RNF220: variants seen among roughly 807,000 people sequenced by gnomAD.
The protein encoded by RNF220 is ring finger protein 220, also known as E3 ubiquitin-protein ligase RNF220.
A neutral mutation model predicts 67.1 loss-of-function variants in RNF220; 7 were observed. That is an observed-to-expected ratio of 0.10 (90% CI 0.06 to 0.20). The LOEUF is 0.20. Among genes scored for constraint, RNF220 ranks in the 10% least tolerant of loss-of-function variants. The pLI is 1.00. For missense variants in RNF220, 565 were observed against 740.3 expected, an observed-to-expected ratio of 0.76 and a Z score of 2.75; for synonymous variants, 270 against 283.2, an observed-to-expected ratio of 0.95 and a Z score of 0.47.
At chr1:44,519,309 T>C (rs1384556335) in intron 2 of RNF220, among the ~76,000 whole-genome samples, 2 of 152,196 alleles carry the variant, frequency 1.3e-5, no homozygotes, top group Non-Finnish European at 2.9e-5. Context: ...CGCTAGGCAC[T>C]GAACATATGA....
chr1:44,549,861 G>A (rs1245495206), intron 2 of RNF220, among the ~76,000 whole-genome samples: 1 of 152,198 alleles, frequency 6.6e-6, no homozygotes, highest in Admixed American at 6.5e-5. Flanking sequence ...GTAGGGGGTG[G>A]GCAGTAGCTC....
intron 2 of RNF220, among the ~76,000 whole-genome samples, chr1:44,478,830 T>A (rs1295885885): frequency 5.9e-5 from 9 of 152,236 alleles, no homozygotes; most frequent in Non-Finnish European, 5.9e-5. Flanking sequence ...GGGTTGAGAA[T>A]GCTCTCTGAT....
chr1:44,421,192 T>G (rs940531041), intron 2 of RNF220, among the ~76,000 whole-genome samples: 2 of 152,192 alleles, frequency 1.3e-5, no homozygotes, highest in Non-Finnish European at 2.9e-5. Context: ...GGAGAGGATT[T>G]GACTCGGGTT....
rs116397794 is a variant in RNF220 at position 44,639,589 on chromosome 1, G to A, written c.1126+3427G>A. 5.4e-3 allele frequency among the ~76,000 whole-genome samples: 818 copies of A among 152,320 alleles called. 4 individuals are homozygous for A. The highest frequency in any genetic ancestry group is 8.1e-3 in the Non-Finnish European group (549 of 68,034). On this transcript the variant is annotated intron_variant, in intron 8 of 14. Transcript: ENST00000361799. ...CTGAACCAAACAGGAGGAGTGGGTA[G>A]GGAAAAGAAGGGTGTTAAGACAGTC...
chr1:44,425,578 A>G (rs1263109864), intron 2 of RNF220, among the ~76,000 whole-genome samples: 3 of 152,156 alleles, frequency 2.0e-5, no homozygotes, highest in Non-Finnish European at 4.4e-5. Flanking sequence ...ACGGTTCAGC[A>G]ATAGGGCAAC....
rs1482986420 is a variant in RNF220 at position 44,436,487 on chromosome 1, G to T, written c.625+23765G>T. 2.6e-5 allele frequency among the ~76,000 whole-genome samples: 4 copies of T among 152,118 alleles called. No homozygotes were observed. The East Asian group carries it at 7.7e-4, about 29-fold the overall frequency. On this transcript the variant is annotated intron_variant, in intron 2 of 14. Coordinates refer to ENST00000361799, the MANE Select transcript of RNF220 (RefSeq NM_018150.4). Reference sequence around the variant, plus strand: ...GTGTACAGCAACTGCTAGCACAAAGGCCAGGGGAGGGACTTGCAGAGAAAG... The same window carrying T: ...GTGTACAGCAACTGCTAGCACAAAGTCCAGGGGAGGGACTTGCAGAGAAAG...
intron 2 of RNF220, among the ~76,000 whole-genome samples, chr1:44,473,092 G>A (rs370928062): frequency 6.6e-6 from 1 of 152,198 alleles, no homozygotes; most frequent in African/African-American, 2.4e-5. Context: ...AGGCAGGGCA[G>A]GAGGAGGCAG....
intron 6 of RNF220, chr1:44,635,318 T>G: frequency 1.9e-6 from 1 of 532,052 alleles, no homozygotes; most frequent in Non-Finnish European, 3.3e-6. Flanking sequence ...AGCCAAAGAG[T>G]GGACTTACTC....
chr1:44,543,737 G>A (rs1453705680), intron 2 of RNF220, among the ~76,000 whole-genome samples: 1 of 152,152 alleles, frequency 6.6e-6, no homozygotes, highest in African/African-American at 2.4e-5. Flanking sequence ...AACGACTTCA[G>A]GAGTCAATCC....
chr1:44,607,878 T>C (rs1667391100), intron 2 of RNF220, among the ~76,000 whole-genome samples: 1 of 151,594 alleles, frequency 6.6e-6, no homozygotes. Context: ...TGAATGTCAC[T>C]TCCTTCACCT....
At chr1:44,443,201 C>G (rs1379022163) in intron 2 of RNF220, among the ~76,000 whole-genome samples, 1 of 152,204 alleles carries the variant, frequency 6.6e-6, no homozygotes, top group African/African-American at 2.4e-5. Flanking sequence ...CCAGATTTAC[C>G]ATCTTCTCCC....
chr1:44,569,428 A>G (rs986430722), intron 2 of RNF220, among the ~76,000 whole-genome samples: 28 of 152,260 alleles, frequency 1.8e-4, no homozygotes, highest in African/African-American at 6.8e-4. Flanking sequence ...TAGAGTTAAT[A>G]AGAGGGATAC....
chr1:44,479,328 G>A (rs1655585713), intron 2 of RNF220, among the ~76,000 whole-genome samples: 1 of 152,042 alleles, frequency 6.6e-6, no homozygotes, highest in African/African-American at 2.4e-5. Flanking sequence ...GTGCTAGCCA[G>A]GATGGTCTCG....
chr1:44,622,635 C>A lies in RNF220; in HGVS notation c.759-107C>A, dbSNP rs987744780. Reference sequence around the variant, plus strand: ...TGGAGCTTGGCTGAGCTGGGCTGGGCTAGGCGGTCTATGCCTTCTCTGTCT... The same window carrying A: ...TGGAGCTTGGCTGAGCTGGGCTGGGATAGGCGGTCTATGCCTTCTCTGTCT... On this transcript the variant is annotated intron_variant, in intron 3 of 14. Coordinates refer to ENST00000361799, the MANE Select transcript of RNF220 (RefSeq NM_018150.4). This position sits in a 1 kb window ranked among gnomAD's most constrained non-coding sequence, Gnocchi z 4.3. The A allele has an allele frequency of 3.1e-6, 3 of 969,076 alleles. No individual in the cohort carries two copies. The highest frequency in any genetic ancestry group is 3.2e-5 in the African/African-American group (2 of 62,626). 60.0% of individuals were successfully genotyped at this position (969,076 alleles called of 1,614,324 possible).
At chr1:44,511,753 C>T (rs977512461) in intron 2 of RNF220, among the ~76,000 whole-genome samples, 1 of 152,122 alleles carries the variant, frequency 6.6e-6, no homozygotes, top group Non-Finnish European at 1.5e-5. Flanking sequence ...TAAAAGGGGC[C>T]ATCAGGAGGC....
intron 2 of RNF220, among the ~76,000 whole-genome samples, chr1:44,504,823 T>A (rs1476289203): frequency 6.6e-6 from 1 of 152,184 alleles, no homozygotes; most frequent in Non-Finnish European, 1.5e-5. Context: ...CCTATCCTTT[T>A]TTTCAAATTT....
At chr1:44,632,039 C>T in intron 5 of RNF220, 5 of 1,077,588 alleles carry the variant, frequency 4.6e-6, no homozygotes, top group Non-Finnish European at 5.7e-6. Flanking sequence ...GGGGAATCCG[C>T]CCGCATCGCC....
chr1:44,602,972 C>T lies in RNF220; in HGVS notation c.626-11193C>T, dbSNP rs888633046. On this transcript the variant is annotated intron_variant, in intron 2 of 14. Transcript: ENST00000361799. ...CCCTGCCTCCTTCTCTCCGAGTCCA[C>T]ACCACCCCTCCTCCTCCTCCTCGGG... 7.9e-5 allele frequency among the ~76,000 whole-genome samples: 12 copies of T among 152,240 alleles called. No homozygotes were observed. The South Asian group carries it at 2.5e-3, about 32-fold the overall frequency.
intron 4 of RNF220, among the ~76,000 whole-genome samples, 154 bp from the exon 5 acceptor site, chr1:44,626,143 G>A (rs1321419305): frequency 1.3e-5 from 2 of 152,118 alleles, no homozygotes; most frequent in Non-Finnish European, 2.9e-5. Flanking sequence ...CCCAGGACTT[G>A]ACCCCATGCC....
Sources: gnomAD v4.1 joint callset for allele counts (sites outside exome capture counted in the v4.1 genomes callset) on GRCh38, gnomAD v4.1.1 for gene constraint, Gnocchi (gnomAD v3.1) non-coding constraint, MANE v1.5 for transcripts, NCBI Gene and HGNC (gene_info 2026-07-23, HGNC 2026-07-21) for gene names.